RIC3: variants seen among roughly 807,000 people sequenced by gnomAD.
RIC3 encodes RIC3 acetylcholine receptor chaperone.
Under a neutral mutation model 27.3 loss-of-function variants are expected in RIC3, and 28 were observed. That is an observed-to-expected ratio of 1.02 (90% CI 0.76 to 1.41). The LOEUF is 1.41. RIC3 is among the 40% of genes most tolerant of loss of function. RIC3 has a pLI of 0.00. For missense variants in RIC3, 501 were observed against 444.7 expected, an observed-to-expected ratio of 1.13 and a Z score of -1.14; for synonymous variants, 184 against 160.4, an observed-to-expected ratio of 1.15 and a Z score of -1.11.
At position 8,110,956 on chromosome 11, in the gene RIC3, G is replaced by A. The variant is rs980981480; in HGVS notation, c.852C>T (p.Asp284=). The A allele has an allele frequency of 6.2e-7, 1 of 1,614,186 alleles. No homozygotes were observed. The highest frequency in any genetic ancestry group is 1.3e-5 in the African/African-American group (1 of 75,030). The change falls in exon 6 of 6, where the codon GAC becomes GAT. Residue 284 remains aspartate, a synonymous_variant. Transcript: ENST00000309737. ...DHLGWESLPT[D]PRAQEDNSVT... Reference sequence around the variant, plus strand: ...CAGAATTATCTTCCTGGGCTCTGGGGTCAGTGGGCAGACTTTCCCAACCCA... The same window carrying A: ...CAGAATTATCTTCCTGGGCTCTGGGATCAGTGGGCAGACTTTCCCAACCCA...
the RIC3 span, chr11:8,096,535 C>CT: frequency 1.5e-6 from 1 of 687,324 alleles, no homozygotes; most frequent in Non-Finnish European, 2.7e-6. Context: ...GAATGGGAGT[C>CT]TATATGTGTA....
downstream of RIC3, chr11:8,103,881 A>G (rs1375797639): frequency 6.6e-6 from 1 of 152,278 alleles, no homozygotes; most frequent in African/African-American, 2.4e-5. Context: ...GCACAAAGGA[A>G]AACTCTTGGC....
At chr11:8,103,309 A>C (rs1944386639), downstream of RIC3, 1 of 151,368 alleles carries the variant, frequency 6.6e-6, no homozygotes, top group South Asian at 2.1e-4. Flanking sequence ...CTTCTTGCCC[A>C]GATAGAGATC....
chr11:8,114,240 GATCAAGAACA>G (rs1319701313), intron 5 of RIC3, among the ~76,000 whole-genome samples: 1 of 152,156 alleles, frequency 6.6e-6, no homozygotes, highest in East Asian at 1.9e-4. Flanking sequence ...TAGCCATGAG[GATCAAGAACA>G]ATCAAGGAAA....
At chr11:8,164,963 C>T (rs1331823534) in intron 1 of RIC3, among the ~76,000 whole-genome samples, 1 of 151,960 alleles carries the variant, frequency 6.6e-6, no homozygotes, top group Non-Finnish European at 1.5e-5. Flanking sequence ...AATGAGATAC[C>T]ATTTCATTCC....
chr11:8,152,772 C>T (rs1950351899), intron 1 of RIC3, among the ~76,000 whole-genome samples: 1 of 151,110 alleles, frequency 6.6e-6, no homozygotes. Flanking sequence ...TTTTTAAAGA[C>T]AGCTAGTCTA....
the RIC3 span, chr11:8,100,449 C>T: frequency 3.9e-5 from 55 of 1,427,048 alleles, no homozygotes; most frequent in African/African-American, 6.6e-4. Flanking sequence ...CCCCCACCTT[C>T]TCCAGTAGGT....
At chr11:8,154,539 C>T (rs1950505328) in intron 1 of RIC3, among the ~76,000 whole-genome samples, 1 of 152,068 alleles carries the variant, frequency 6.6e-6, no homozygotes, top group African/African-American at 2.4e-5. Context: ...GCCTTTTTTT[C>T]CAGGTGGGGA....
chr11:8,101,856 G>GATATGGCGT, downstream of RIC3: 3 of 482,860 alleles, frequency 6.2e-6, no homozygotes, highest in Admixed American at 4.2e-5. Flanking sequence ...TTCTTTCCAT[G>GATATGGCGT]CCACGAGATC....
intron 4 of RIC3, among the ~76,000 whole-genome samples, chr11:8,129,155 G>A (rs1947367776): frequency 6.6e-6 from 1 of 151,494 alleles, no homozygotes; most frequent in Non-Finnish European, 1.5e-5. Context: ...ACCATCCTCT[G>A]CTTGAAACCT....
At chr11:8,122,455 G>GTATATATATATATATATATATATATA (rs200115129) in intron 5 of RIC3, among the ~76,000 whole-genome samples, 5 of 151,814 alleles carry the variant, frequency 3.3e-5, no homozygotes, top group Admixed American at 2.0e-4. Flanking sequence ...ACCACAGTGT[G>GTATATATATATATATATATATATATA]TATATATATA....
chr11:8,138,319 T>A lies in RIC3; in HGVS notation c.380A>T (p.Asp127Val), dbSNP rs1296336514. 1.2e-6 allele frequency: 2 copies of A among 1,613,438 alleles called. No homozygotes were observed. The highest frequency in any genetic ancestry group is 2.2e-5 in the East Asian group (1 of 44,870). The change falls in exon 3 of 6, where the codon GAT becomes GTT. Residue 127 changes from aspartate (D) to valine (V), a missense_variant. Asp to Val is a radical substitution (Grantham distance 152, BLOSUM62 -3). Transcript: ENST00000309737. ...AGGCATGGCAGTATAGCATTTCCCATCCTCTGCAGTTGTTTTCCCCTTTGA... is the reference window on the plus strand; with the variant it reads ...AGGCATGGCAGTATAGCATTTCCCAACCTCTGCAGTTGTTTTCCCCTTTGA... Reference protein sequence around the residue: ...KLSKGKTTAEDGKCYTAMPGN... With the variant: ...KLSKGKTTAEVGKCYTAMPGN...
intron 1 of RIC3, among the ~76,000 whole-genome samples, chr11:8,146,474 C>T (rs1223256565): frequency 6.6e-6 from 1 of 152,130 alleles, no homozygotes; most frequent in Non-Finnish European, 1.5e-5. Flanking sequence ...CTTGCACTAA[C>T]AAAGTTAATA....
chr11:8,096,383 C>T, the RIC3 span, among the ~76,000 whole-genome samples: 1 of 152,148 alleles, frequency 6.6e-6, no homozygotes, highest in Non-Finnish European at 1.5e-5. Flanking sequence ...GGTAGGGTGG[C>T]TGCTAGGTAG....
chr11:8,167,251 C>CA (rs1474232523), intron 1 of RIC3, among the ~76,000 whole-genome samples: 3 of 151,658 alleles, frequency 2.0e-5, no homozygotes, highest in South Asian at 2.1e-4. Context: ...AAGGTGAAGA[C>CA]AAAAAAACAA....
chr11:8,150,530 G>A (rs745597321), intron 1 of RIC3, among the ~76,000 whole-genome samples: 19 of 152,094 alleles, frequency 1.2e-4, no homozygotes, highest in Non-Finnish European at 2.2e-4. Context: ...TTAGACTGCA[G>A]TTAGGCTTAA....
At chr11:8,100,747 A>C in the RIC3 span, 9 of 1,586,276 alleles carry the variant, frequency 5.7e-6, no homozygotes, top group East Asian at 2.0e-4. Context: ...AAGGACCCCC[A>C]TTCCCGGGAT....
chr11:8,104,534 A>G (rs1237654325), downstream of RIC3: 1 of 152,218 alleles, frequency 6.6e-6, no homozygotes, highest in Non-Finnish European at 1.5e-5. Context: ...TGAGTAGGAA[A>G]GGAATAAGGA....
At chr11:8,151,130 G>T (rs1009429224) in intron 1 of RIC3, among the ~76,000 whole-genome samples, 3 of 152,100 alleles carry the variant, frequency 2.0e-5, no homozygotes, top group African/African-American at 7.2e-5. Context: ...CAAAACAAAA[G>T]GTAGGCAAAG....
Sources: gnomAD v4.1 joint callset for allele counts (sites outside exome capture counted in the v4.1 genomes callset) on GRCh38, gnomAD v4.1.1 for gene constraint, MANE v1.5 for transcripts, NCBI Gene and HGNC (gene_info 2026-07-23, HGNC 2026-07-21) for gene names.